Variants in OPCML observed in about 807,000 individuals in gnomAD.
OPCML encodes the protein opioid-binding protein/cell adhesion molecule.
Under a neutral mutation model 37.8 loss-of-function variants are expected in OPCML, and 13 were observed. The ratio of observed to expected loss-of-function variants is 0.34; its 90% CI spans 0.22 to 0.55. The LOEUF is 0.55. Among genes scored for constraint, OPCML ranks in the 20% least tolerant of loss-of-function variants. OPCML has a pLI of 0.91. For missense variants in OPCML, 341 were observed against 435.6 expected (o/e 0.78, Z 1.93); for synonymous variants, 176 against 168.8 (o/e 1.04, Z -0.33).
chr11:133,497,027 G>A (rs565372624), intron 1 of OPCML, among the ~76,000 whole-genome samples: 1 of 152,168 alleles, frequency 6.6e-6, no homozygotes, highest in African/African-American at 2.4e-5. Flanking sequence ...GTATTATGTT[G>A]GCTGTGCGTC....
chr11:133,334,840 G>A (rs1592211584), intron 1 of OPCML, among the ~76,000 whole-genome samples: 2 of 152,130 alleles, frequency 1.3e-5, no homozygotes, highest in African/African-American at 4.8e-5. Flanking sequence ...GTTTGTAGAG[G>A]CCATTGGCCA....
At chr11:132,863,013 T>C (rs1298210529) in intron 2 of OPCML, among the ~76,000 whole-genome samples, 1 of 152,138 alleles carries the variant, frequency 6.6e-6, no homozygotes, top group African/African-American at 2.4e-5. Context: ...ACTGTTAAGG[T>C]GACTCTCTGC....
intron 2 of OPCML, among the ~76,000 whole-genome samples, chr11:132,742,565 G>A (rs1048534449): frequency 2.6e-5 from 4 of 152,020 alleles, no homozygotes; most frequent in African/African-American, 9.7e-5. Context: ...CTAGAACTAG[G>A]AGAAATAAAT....
chr11:133,424,283 T>G (rs1027027512), intron 1 of OPCML, among the ~76,000 whole-genome samples: 7 of 151,070 alleles, frequency 4.6e-5, no homozygotes, highest in Non-Finnish European at 1.0e-4. Flanking sequence ...CAAGCTCCTT[T>G]TCTCCTTGGA....
chr11:133,159,349 C>T (rs556173638), intron 1 of OPCML, among the ~76,000 whole-genome samples: 8 of 152,190 alleles, frequency 5.3e-5, no homozygotes, highest in African/African-American at 7.2e-5. Flanking sequence ...AGTTATGATC[C>T]GACAACAAGT....
intron 1 of OPCML, among the ~76,000 whole-genome samples, chr11:133,073,168 T>C (rs942259776): frequency 6.6e-6 from 1 of 152,154 alleles, no homozygotes; most frequent in African/African-American, 2.4e-5. Context: ...CCCCCATTAG[T>C]CATGGGTTCT....
chr11:132,479,575 CACAG>C (rs1223731635), intron 4 of OPCML, among the ~76,000 whole-genome samples: 1 of 152,198 alleles, frequency 6.6e-6, no homozygotes, highest in Non-Finnish European at 1.5e-5. Context: ...GGGGGCAGGG[CACAG>C]ACAAACAAAA....
Position 133,386,999 on chromosome 11 carries a change from C to T in OPCML, c.61+145265G>A, listed in dbSNP as rs1035588604. Among the ~76,000 whole-genome samples the T allele has an allele frequency of 2.0e-5, 3 of 152,216 alleles. No homozygotes were observed. The South Asian group carries it at 6.2e-4, about 32-fold the overall frequency. On this transcript the variant is annotated intron_variant, in intron 1 of 7. Transcript: ENST00000524381. ...AAACAGGCACTAAGGACGATGACAG[C>T]ACATTGTATAGGTCAGTCAGGGAGA...
intron 2 of OPCML, among the ~76,000 whole-genome samples, chr11:132,884,030 T>C (rs1392406121): frequency 3.3e-5 from 5 of 152,202 alleles, no homozygotes; most frequent in East Asian, 1.9e-4. Flanking sequence ...AATAGGATCA[T>C]AGATTTATAG....
rs181377722 is a variant in OPCML at position 132,597,883 on chromosome 11, G to T, written c.379+59204C>A. Among the ~76,000 whole-genome samples the T allele has an allele frequency of 3.9e-5, 6 of 152,170 alleles. No individual in the cohort carries two copies. The East Asian group carries it at 1.2e-3, about 29-fold the overall frequency. On this transcript the variant is annotated intron_variant, in intron 3 of 7. Coordinates refer to ENST00000524381, the MANE Select transcript of OPCML (RefSeq NM_001012393.5). The stretch of plus-strand genomic sequence containing the variant: ...ACATTACATATACGCATTTTAATGT[G>T]GCATAGCTTCCTTCTATTCCACACA...
At chr11:133,090,768 A>C (rs1350317071) in intron 1 of OPCML, among the ~76,000 whole-genome samples, 1 of 152,252 alleles carries the variant, frequency 6.6e-6, no homozygotes, top group Admixed American at 6.5e-5. Context: ...ATAATTAAAG[A>C]GAAAGCAGAA....
chr11:132,494,789 C>G (rs1342315262), intron 4 of OPCML, among the ~76,000 whole-genome samples: 1 of 152,186 alleles, frequency 6.6e-6, no homozygotes, highest in East Asian at 1.9e-4. Flanking sequence ...TTCCTTTCCT[C>G]CATGTCAACA....
At chr11:133,063,105 C>T (rs868235915) in intron 1 of OPCML, among the ~76,000 whole-genome samples, 2 of 152,210 alleles carry the variant, frequency 1.3e-5, no homozygotes, top group African/African-American at 4.8e-5. Flanking sequence ...CCGGTCAGTC[C>T]AGAGACCAGC....
intron 1 of OPCML, among the ~76,000 whole-genome samples, chr11:133,375,552 G>A (rs1944784158): frequency 6.6e-6 from 1 of 152,168 alleles, no homozygotes; most frequent in South Asian, 2.1e-4. Context: ...ATAGTGTCCA[G>A]GGTCTGGGAT....
At chr11:133,050,435 A>G (rs1948108564) in intron 1 of OPCML, among the ~76,000 whole-genome samples, 1 of 152,200 alleles carries the variant, frequency 6.6e-6, no homozygotes, top group African/African-American at 2.4e-5. Flanking sequence ...GGTTAAAGAA[A>G]AGTTGACCTC....
chr11:133,050,031 G>T (rs1948102140), intron 1 of OPCML, among the ~76,000 whole-genome samples: 1 of 152,218 alleles, frequency 6.6e-6, no homozygotes, highest in African/African-American at 2.4e-5. Context: ...ATTGTCTTCT[G>T]TGGGCATGAC....
chr11:132,996,765 T>C (rs1946896714), intron 1 of OPCML, among the ~76,000 whole-genome samples: 1 of 152,212 alleles, frequency 6.6e-6, no homozygotes, highest in South Asian at 2.1e-4. Context: ...GGAGAGTCCC[T>C]GCTTTGTTGG....
intron 1 of OPCML, among the ~76,000 whole-genome samples, chr11:133,340,447 C>A (rs1275765284): frequency 6.6e-6 from 1 of 152,150 alleles, no homozygotes; most frequent in Non-Finnish European, 1.5e-5. Flanking sequence ...TACTTTTCCC[C>A]ACCTCCTCTT....
chr11:132,615,743 C>T (rs558251878), intron 3 of OPCML, among the ~76,000 whole-genome samples: 1 of 151,886 alleles, frequency 6.6e-6, no homozygotes, highest in East Asian at 1.9e-4. Context: ...GAGAAATGAC[C>T]GTAATACATG....
Sources: allele counts gnomAD v4.1 joint callset (sites outside exome capture counted in the v4.1 genomes callset), GRCh38; gene constraint gnomAD v4.1.1; transcripts MANE v1.5; gene names NCBI Gene and HGNC (gene_info 2026-07-23, HGNC 2026-07-21).